Variants in DUSP16 observed in about 807,000 individuals in gnomAD.
The protein encoded by DUSP16 is dual specificity protein phosphatase 16.
In DUSP16, 21 loss-of-function variants were observed where a neutral mutation model predicts 58.3. The observed-to-expected ratio is 0.36, with a 90% CI of 0.26 to 0.52. The LOEUF is 0.52. Among genes scored for constraint, DUSP16 ranks in the 20% least tolerant of loss-of-function variants. The pLI is 0.94. For synonymous variants in DUSP16, 320 were observed against 323.8 expected, an observed-to-expected ratio of 0.99 and a Z score of 0.12; for missense variants, 726 against 819.0, an observed-to-expected ratio of 0.89 and a Z score of 1.39.
chr12:12,492,407 C>G (rs1267052276), intron 4 of DUSP16, among the ~76,000 whole-genome samples: 2 of 152,154 alleles, frequency 1.3e-5, no homozygotes, highest in Non-Finnish European at 2.9e-5. Context: ...GATATAATGC[C>G]TTCCCACCTG....
At chr12:12,560,262 A>C (rs1272431975) in intron 1 of DUSP16, among the ~76,000 whole-genome samples, 1 of 152,156 alleles carries the variant, frequency 6.6e-6, no homozygotes, top group African/African-American at 2.4e-5. Flanking sequence ...TAATTACCAC[A>C]GTTTACATTT....
intron 3 of DUSP16, among the ~76,000 whole-genome samples, chr12:12,510,870 G>T (rs1180813398): frequency 6.6e-6 from 1 of 152,110 alleles, no homozygotes; most frequent in African/African-American, 2.4e-5. Context: ...CTCTGTGAAG[G>T]CCCAGGGTGC....
chr12:12,529,109 T>G (rs1944346324), intron 1 of DUSP16, among the ~76,000 whole-genome samples: 1 of 152,198 alleles, frequency 6.6e-6, no homozygotes, highest in Non-Finnish European at 1.5e-5. Flanking sequence ...GAAACTGAAC[T>G]TTTGTTTTTG....
intron 6 of DUSP16, 39 bp from the exon 7 acceptor site, chr12:12,478,054 A>G (rs1273492962): frequency 7.0e-7 from 1 of 1,437,780 alleles, no homozygotes; most frequent in South Asian, 1.3e-5. Flanking sequence ...GAATTTTACA[A>G]CTACACTTTA....
intron 4 of DUSP16, among the ~76,000 whole-genome samples, chr12:12,496,153 C>T (rs1455794336): frequency 6.6e-6 from 1 of 152,186 alleles, no homozygotes; most frequent in Non-Finnish European, 1.5e-5. Context: ...GTCACCTTGT[C>T]ATGTCAATTG....
chr12:12,547,567 A>G (rs1238484753), intron 1 of DUSP16, among the ~76,000 whole-genome samples: 1 of 147,666 alleles, frequency 6.8e-6, no homozygotes, highest in African/African-American at 2.5e-5. Context: ...AGCAAAACAT[A>G]CTACTGTGTA....
chr12:12,494,899 G>C (rs895335889), intron 4 of DUSP16, among the ~76,000 whole-genome samples: 1 of 152,144 alleles, frequency 6.6e-6, no homozygotes, highest in Non-Finnish European at 1.5e-5. Context: ...TCTCTTCTTG[G>C]AAACAATTCA....
At position 12,519,991 on chromosome 12, in the gene DUSP16, C is replaced by A; in HGVS notation, c.238G>T (p.Asp80Tyr). The stretch of plus-strand genomic sequence containing the variant: ...TAAACTACAACCTTCTGACTGCAAT[C>A]AATGTCAACCTGAAATGCAAACATG... The part of the protein sequence containing the change: ...QHSAKHKVDI[D>Y]CSQKVVVYDQ... Residue 80 changes from aspartate to tyrosine, a missense_variant, in exon 3 of 7, where the codon GAT becomes TAT. Transcript: ENST00000298573. The A allele has an allele frequency of 6.2e-7, 1 of 1,614,066 alleles. No homozygotes were observed. The highest frequency in any genetic ancestry group is 1.1e-5 in the South Asian group (1 of 91,078).
At chr12:12,498,048 A>T (rs867133477) in intron 4 of DUSP16, among the ~76,000 whole-genome samples, 6 of 152,324 alleles carry the variant, frequency 3.9e-5, no homozygotes, top group Middle Eastern at 3.4e-3. Flanking sequence ...AAAGACTTCA[A>T]CTTCTGAATT....
In DUSP16 at chr12:12,525,731, T is replaced by TACACACACACACAC. The variant is rs35552389; in HGVS notation, c.-365-4282_-365-4269dup. Reference sequence around the variant, plus strand: ...CTACAAAAAATTAAAAATATATGTATACACACACACACACACACACACACA... The same window carrying TACACACACACACAC: ...CTACAAAAAATTAAAAATATATGTATACACACACACACACACACACACACACACACACACACACA... On this transcript the variant is annotated intron_variant, in intron 1 of 6. Transcript: ENST00000298573. Among the ~76,000 whole-genome samples the TACACACACACACAC allele has an allele frequency of 9.0e-4, 131 of 146,190 alleles. 1 individual carries two copies. The highest frequency in any genetic ancestry group is 2.3e-3 in the African/African-American group (90 of 39,422).
chr12:12,504,707 AAAAAAG>A (rs1453218748), intron 3 of DUSP16, among the ~76,000 whole-genome samples: 47 of 140,210 alleles, frequency 3.4e-4, no homozygotes, highest in Admixed American at 1.0e-3. Flanking sequence ...AAAAAAAAAA[AAAAAAG>A]AAAGAAAGAA....
intron 3 of DUSP16, among the ~76,000 whole-genome samples, chr12:12,504,770 G>A (rs577144932): frequency 6.6e-6 from 1 of 151,762 alleles, no homozygotes; most frequent in South Asian, 2.1e-4. Flanking sequence ...CCAGCTACTT[G>A]AGAGGCTGAG....
chr12:12,556,528 T>C (rs933672660), intron 1 of DUSP16, among the ~76,000 whole-genome samples: 22 of 152,058 alleles, frequency 1.4e-4, no homozygotes, highest in African/African-American at 4.8e-4. Flanking sequence ...TGAGCTATGA[T>C]TGCTCTATTG....
intron 1 of DUSP16, among the ~76,000 whole-genome samples, chr12:12,552,447 A>T (rs1483453488): frequency 2.0e-5 from 3 of 152,256 alleles, no homozygotes; most frequent in African/African-American, 2.4e-5. Flanking sequence ...CTATCTCAAA[A>T]AAATAAATAA....
chr12:12,538,786 T>C (rs1944508433), intron 1 of DUSP16, among the ~76,000 whole-genome samples: 1 of 152,168 alleles, frequency 6.6e-6, no homozygotes, highest in Non-Finnish European at 1.5e-5. Flanking sequence ...AAGCAAATGC[T>C]TGTCAACTTC....
chr12:12,475,676 T>C lies in DUSP16; in HGVS notation c.*1157A>G, dbSNP rs1943416865. The C allele has an allele frequency of 6.6e-6, 1 of 152,214 alleles. No homozygotes were observed. Among genetic ancestry groups the C allele is most frequent in the Admixed American group, 6.5e-5 (1 of 15,284 alleles). The allele number at this position is 152,214 out of a possible 1,614,324, so 9.4% of individuals were successfully genotyped here. Reference sequence around the variant, plus strand: ...CGCATGCCGAGGGGATAAAAGCCACTAAGGAAACAGGTTTCCTGCTTCTCC... The same window carrying C: ...CGCATGCCGAGGGGATAAAAGCCACCAAGGAAACAGGTTTCCTGCTTCTCC... On this transcript the variant is annotated 3_prime_UTR_variant, in exon 7 of 7. Transcript: ENST00000298573.
chr12:12,521,129 T>C lies in DUSP16; in HGVS notation c.-31A>G, dbSNP rs1944230396. Reference sequence around the variant, plus strand: ...CAATAAGTCCTCTTTTCCCACCTCCTTCTTTAATTTGCCACGATGATGTAA... The same window carrying C: ...CAATAAGTCCTCTTTTCCCACCTCCCTCTTTAATTTGCCACGATGATGTAA... On this transcript the variant is annotated 5_prime_UTR_variant, in exon 2 of 7. Coordinates refer to ENST00000298573, the MANE Select transcript of DUSP16 (RefSeq NM_030640.3). 2 of 1,605,396 alleles carry C rather than the reference T, an allele frequency of 1.2e-6. No individual in the cohort carries two copies. The highest frequency in any genetic ancestry group is 1.7e-5 in the Admixed American group (1 of 58,586).
At chr12:12,504,976 A>G (rs562722272) in intron 3 of DUSP16, among the ~76,000 whole-genome samples, 1 of 152,344 alleles carries the variant, frequency 6.6e-6, no homozygotes, top group South Asian at 2.1e-4. Context: ...TTTCATTTGA[A>G]CCTTATAAAT....
chr12:12,535,325 A>G (rs903213465), intron 1 of DUSP16, among the ~76,000 whole-genome samples: 3 of 152,268 alleles, frequency 2.0e-5, no homozygotes, highest in African/African-American at 7.2e-5. Flanking sequence ...AAGAAGATAA[A>G]TATCAATGAG....
Sources: allele counts gnomAD v4.1 joint callset (sites outside exome capture counted in the v4.1 genomes callset), GRCh38; gene constraint gnomAD v4.1.1; transcripts MANE v1.5; gene names NCBI Gene and HGNC (gene_info 2026-07-23, HGNC 2026-07-21).